RELN: variants seen among roughly 807,000 people sequenced by gnomAD.
RELN encodes reelin.
Under a neutral mutation model 427.6 loss-of-function variants are expected in RELN, and 108 were observed. The ratio of observed to expected loss-of-function variants is 0.25; its 90% CI spans 0.22 to 0.30. The LOEUF (loss-of-function observed/expected upper bound fraction) is 0.30, where lower values mean the gene tolerates loss of function less well. Among genes scored for constraint, RELN ranks in the 10% least tolerant of loss-of-function variants. The pLI, the probability that RELN is intolerant of heterozygous loss-of-function variation, is 1.00. For missense variants in RELN, 3,715 were observed against 4,302.8 expected, an observed-to-expected ratio of 0.86 and a Z score of 3.82; for synonymous variants, 1,524 against 1,513.4, an observed-to-expected ratio of 1.01 and a Z score of -0.16.
At chr7:103,744,123 T>A (rs1253351522) in intron 6 of RELN, among the ~76,000 whole-genome samples, 2 of 151,666 alleles carry the variant, frequency 1.3e-5, no homozygotes, top group Non-Finnish European at 2.9e-5. Flanking sequence ...TCAAAACCGC[T>A]CAACTACATG....
chr7:103,553,817 T>C lies in RELN; in HGVS notation c.5812A>G (p.Ile1938Val), dbSNP rs779771555. The C allele has an allele frequency of 8.1e-6, 13 of 1,613,926 alleles. No individual in the cohort carries two copies. In the South Asian group the frequency reaches 1.4e-4, roughly 18 times the overall value. The change falls in exon 39 of 65, where the codon ATC (isoleucine) becomes GTC (valine). Residue 1938 changes from isoleucine to valine, a missense_variant. This residue lies in a region of RELN where 1,310 missense variants were observed against 1,643.0 expected (regional missense o/e 0.80). Coordinates refer to ENST00000428762, the MANE Select transcript of RELN (RefSeq NM_005045.4). ...ATAATGAAGTCATCAACAATCCAGA[T>C]TTCTTCTTTCTTACCTAAGGCATTT... ...QPYNNGKKEE[I>V]WIVDDFIIDG...
chr7:103,820,148 A>G (rs1792978787), intron 3 of RELN, among the ~76,000 whole-genome samples: 1 of 152,086 alleles, frequency 6.6e-6, no homozygotes, highest in Admixed American at 6.6e-5. Context: ...ATTTCATTTA[A>G]TGTCTTAGGG....
At chr7:103,901,554 G>T (rs1795085320) in intron 2 of RELN, among the ~76,000 whole-genome samples, 1 of 151,990 alleles carries the variant, frequency 6.6e-6, no homozygotes, top group Admixed American at 6.6e-5. Context: ...CCATACTATG[G>T]AATATTATTC....
intron 24 of RELN, among the ~76,000 whole-genome samples, chr7:103,597,422 G>GTGA (rs1225481296): frequency 6.6e-6 from 1 of 152,128 alleles, no homozygotes; most frequent in East Asian, 1.9e-4. Flanking sequence ...GGCCAACATG[G>GTGA]TGAAACCCTG....
At chr7:103,862,726 C>G (rs898519507) in intron 2 of RELN, among the ~76,000 whole-genome samples, 3 of 152,022 alleles carry the variant, frequency 2.0e-5, no homozygotes, top group East Asian at 1.9e-4. Context: ...TGTATTGAAA[C>G]AGAAAGCTGA....
At chr7:103,682,282 C>G (rs758364854) in intron 10 of RELN, 21 bp from the exon 11 acceptor site, 48 of 1,613,482 alleles carry the variant, frequency 3.0e-5, no homozygotes, top group Non-Finnish European at 3.9e-5. Flanking sequence ...AAAGAGAGCA[C>G]GGGGTGGCTG....
intron 20 of RELN, among the ~76,000 whole-genome samples, chr7:103,618,273 A>G (rs1000077900): frequency 2.6e-5 from 4 of 152,194 alleles, no homozygotes; most frequent in Non-Finnish European, 5.9e-5. Context: ...GTTTTCCATG[A>G]TGGTCCCCAT....
Position 103,624,986 on chromosome 7 carries a change from T to C in RELN, c.2702+4954A>G, listed in dbSNP as rs529327127. 3.3e-5 allele frequency among the ~76,000 whole-genome samples: 5 copies of C among 152,334 alleles called. No homozygotes were observed. In the East Asian group the frequency reaches 7.7e-4, roughly 23 times the overall value. On this transcript the variant is annotated intron_variant, in intron 20 of 64. Coordinates refer to ENST00000428762, the MANE Select transcript of RELN (RefSeq NM_005045.4). Reference sequence around the variant, plus strand: ...GAACATTTCTACAGGTATCCATCTTTAAATCTTTTAGTTATATCTGCTGTT... The same window carrying C: ...GAACATTTCTACAGGTATCCATCTTCAAATCTTTTAGTTATATCTGCTGTT...
intron 6 of RELN, among the ~76,000 whole-genome samples, chr7:103,741,720 G>T (rs1303157359): frequency 2.0e-5 from 3 of 151,756 alleles, no homozygotes; most frequent in Non-Finnish European, 4.4e-5. Flanking sequence ...AGGCAGAGAC[G>T]AAAGTGATGG....
intron 1 of RELN, among the ~76,000 whole-genome samples, chr7:103,937,488 T>C (rs557840391): frequency 9.9e-5 from 15 of 152,224 alleles, no homozygotes; most frequent in Non-Finnish European, 1.8e-4. Flanking sequence ...TGGAAGGCAT[T>C]TGGATTTGAG....
chr7:103,835,755 T>C (rs1280941033), intron 2 of RELN, among the ~76,000 whole-genome samples: 1 of 152,160 alleles, frequency 6.6e-6, no homozygotes, highest in African/African-American at 2.4e-5. Context: ...GCCTGTAAAA[T>C]GGAAATACCA....
chr7:103,525,048 G>A (rs917355464), intron 46 of RELN, among the ~76,000 whole-genome samples: 2 of 151,916 alleles, frequency 1.3e-5, no homozygotes, highest in Non-Finnish European at 2.9e-5. Context: ...CCCCTCAGGC[G>A]CCAAAGCACA....
At chr7:103,534,621 G>A (rs1214555813) in intron 46 of RELN, among the ~76,000 whole-genome samples, 1 of 151,962 alleles carries the variant, frequency 6.6e-6, no homozygotes, top group African/African-American at 2.4e-5. Context: ...CTGAGTGGCT[G>A]GGACTGCAGG....
chr7:103,901,746 G>A (rs894654705), intron 2 of RELN, among the ~76,000 whole-genome samples: 3 of 152,006 alleles, frequency 2.0e-5, no homozygotes, highest in Non-Finnish European at 4.4e-5. Flanking sequence ...ATGAGAGGTG[G>A]TAGAATTTGG....
chr7:103,714,362 T>C (rs1425194535), intron 8 of RELN, among the ~76,000 whole-genome samples: 2 of 152,208 alleles, frequency 1.3e-5, no homozygotes, highest in Non-Finnish European at 2.9e-5. Context: ...TACTTTGGAA[T>C]ACAGAGTTCA....
At chr7:103,757,902 G>C (rs953097326) in intron 4 of RELN, among the ~76,000 whole-genome samples, 1 of 152,118 alleles carries the variant, frequency 6.6e-6, no homozygotes, top group African/African-American at 2.4e-5. Context: ...CATAGAGGCT[G>C]GAAGTAACTT....
chr7:103,805,002 G>A (rs1456152330), intron 3 of RELN, among the ~76,000 whole-genome samples: 1 of 151,810 alleles, frequency 6.6e-6, no homozygotes, highest in Admixed American at 6.6e-5. Flanking sequence ...ATATCTAATC[G>A]GGTATCTAAT....
intron 1 of RELN, among the ~76,000 whole-genome samples, chr7:103,966,738 C>A (rs6967570): frequency 0.53 from 80,207 of 152,068 alleles, 21,362 homozygotes; most frequent in African/African-American, 0.61. Flanking sequence ...AAAACAGATA[C>A]TGAATGAATA....
chr7:103,798,800 C>T (rs956895646), intron 3 of RELN, among the ~76,000 whole-genome samples: 10 of 152,242 alleles, frequency 6.6e-5, no homozygotes, highest in Middle Eastern at 3.4e-3. Context: ...GATAAAGCAA[C>T]GAACAAATGT....
Sources: allele counts gnomAD v4.1 joint callset (sites outside exome capture counted in the v4.1 genomes callset), GRCh38; gene constraint gnomAD v4.1.1; regional missense constraint gnomAD v4.1.1; transcripts MANE v1.5; gene names NCBI Gene and HGNC (gene_info 2026-07-23, HGNC 2026-07-21).